TAB1: variants seen among roughly 807,000 people sequenced by gnomAD.
The protein encoded by TAB1 is TGF-beta activated kinase 1 (MAP3K7) binding protein 1.
Under a neutral mutation model 54.5 loss-of-function variants are expected in TAB1, and 30 were observed. That is an observed-to-expected ratio of 0.55 (90% CI 0.41 to 0.75). The LOEUF (loss-of-function observed/expected upper bound fraction) is 0.75. Ranked by LOEUF, TAB1 falls within the 30% of genes least tolerant of loss-of-function variation. The pLI is 0.00. For synonymous variants in TAB1, 289 were observed against 286.9 expected, an observed-to-expected ratio of 1.01 and a Z score of -0.07; for missense variants, 609 against 683.2, an observed-to-expected ratio of 0.89 and a Z score of 1.21.
chr22:39,399,863 T>TG (rs762492017), intron 1 of TAB1, 28 bp downstream of exon 1: 1 of 1,585,378 alleles, frequency 6.3e-7, no homozygotes, highest in African/African-American at 1.3e-5. Flanking sequence ...TCTCTGGGCT[T>TG]GGGGTTGGGA....
At chr22:39,409,409 A>G (rs1926512870) in intron 1 of TAB1, among the ~76,000 whole-genome samples, 1 of 152,230 alleles carries the variant, frequency 6.6e-6, no homozygotes, top group African/African-American at 2.4e-5. Flanking sequence ...AGAATACTTA[A>G]TTCACTGGTT....
chr22:39,418,987 A>G, intron 6 of TAB1, 142 bp downstream of exon 6: 1 of 662,112 alleles, frequency 1.5e-6, no homozygotes, highest in Non-Finnish European at 2.7e-6. Context: ...CATTCCCAGC[A>G]CTGCCGCTTA....
rs1399885847 is a variant in TAB1 at position 39,417,826 on chromosome 22, A to G, written c.527A>G (p.Asn176Ser). The G allele has an allele frequency of 1.2e-6, 2 of 1,611,500 alleles. No individual in the cohort carries two copies. Among genetic ancestry groups the G allele is most frequent in the East Asian group, 2.2e-5 (1 of 44,694 alleles). The change falls in exon 5 of 11, where the codon AAC becomes AGC. Residue 176 changes from asparagine to serine, a missense_variant. Physicochemically the swap from Asn to Ser is conservative, Grantham distance 46 (BLOSUM62 1). Coordinates refer to ENST00000216160, the MANE Select transcript of TAB1 (RefSeq NM_006116.3). ...AMAVVAVLLN[N>S]KLYVANVGTN... ...GCCGTTGTGGCGGTCCTTCTCAACA[A>G]CAAGCTCTACGTCGCCAATGTCGGT...
downstream of TAB1, among the ~76,000 whole-genome samples, chr22:39,435,544 C>T (rs1927750308): frequency 6.6e-6 from 1 of 152,224 alleles, no homozygotes; most frequent in African/African-American, 2.4e-5. Flanking sequence ...AAAGCAAGCA[C>T]AGACCAGTTA....
Position 39,415,014 on chromosome 22 carries a change from G to A in TAB1, c.42G>A (p.Gln14=), listed in dbSNP as rs6001584. 6.2e-7 allele frequency: 1 copy of A among 1,614,014 alleles called. No individual in the cohort carries two copies. Among genetic ancestry groups the A allele is most frequent in the Non-Finnish European group, 8.5e-7 (1 of 1,179,974 alleles). Residue 14 remains glutamine (Q), a synonymous_variant, in exon 2 of 11, where the codon CAG becomes CAA. Coordinates refer to ENST00000216160, the MANE Select transcript of TAB1 (RefSeq NM_006116.3). The surrounding 1 kb of genome is among the most constrained non-coding windows in gnomAD (Gnocchi z 4.9). ...QRRSLLQSEQ[Q]PSWTDDLPLC... ...CTGGTGTCCTTCCCCAGGAGCAGCAGCCAAGCTGGACAGATGACCTGCCTC... is the reference window on the plus strand; with the variant it reads ...CTGGTGTCCTTCCCCAGGAGCAGCAACCAAGCTGGACAGATGACCTGCCTC...
intron 8 of TAB1, 91 bp from the exon 9 acceptor site, chr22:39,426,612 G>C: frequency 8.3e-7 from 1 of 1,203,666 alleles, no homozygotes; most frequent in Non-Finnish European, 1.2e-6. Flanking sequence ...GTTGACCACT[G>C]AATCTCCTGA....
Position 39,419,553 on chromosome 22 carries a change from C to T in TAB1, c.699C>T (p.Ile233=). ...LDAGKIKQVG[I]ICGQESTRRI... is the part of the protein sequence containing the mutation. Reference sequence around the variant, plus strand: ...CTGGAAAGATCAAGCAGGTGGGGATCATCTGTGGGCAGGAGAGCACCCGGC... The same window carrying T: ...CTGGAAAGATCAAGCAGGTGGGGATTATCTGTGGGCAGGAGAGCACCCGGC... Residue 233 remains isoleucine, a synonymous_variant, in exon 7 of 11, where the codon ATC becomes ATT. Transcript: ENST00000216160. 1 of 1,612,780 alleles carries T rather than the reference C, an allele frequency of 6.2e-7. No individual in the cohort carries two copies. Among genetic ancestry groups the T allele is most frequent in the South Asian group, 1.1e-5 (1 of 90,908 alleles).
In TAB1 at chr22:39,431,268, CAT is replaced by C. The variant is rs929725242; in HGVS notation, c.*1047_*1048del. On this transcript the variant is annotated 3_prime_UTR_variant, in exon 11 of 11. Transcript: ENST00000216160. ...AGGGCCTGAGTTAGACTATTTCCCA[CAT>C]GTTCTCTGCCTTCAGTGGGGAGGGG... The C allele has an allele frequency of 3.0e-6, 3 of 985,516 alleles. No homozygotes were observed. The African/African-American group carries it at 5.2e-5, about 17-fold the overall frequency. 61.0% of individuals were successfully genotyped at this position (985,516 alleles called of 1,614,324 possible).
At chr22:39,428,371 G>T (rs934734321) in intron 10 of TAB1, among the ~76,000 whole-genome samples, 188 bp downstream of exon 10, 2 of 152,232 alleles carry the variant, frequency 1.3e-5, no homozygotes, top group African/African-American at 4.8e-5. Context: ...TTTTGGTCAG[G>T]TGGCTGATGG....
intron 1 of TAB1, among the ~76,000 whole-genome samples, chr22:39,414,387 C>T (rs1926733421): frequency 1.3e-5 from 2 of 152,130 alleles, no homozygotes; most frequent in Admixed American, 1.3e-4. Flanking sequence ...TAAACTAGCT[C>T]ATAAACTCCG....
Position 39,415,543 on chromosome 22 carries a change from G to C in TAB1, c.214G>C (p.Asp72His). 6.2e-7 allele frequency: 1 copy of C among 1,614,222 alleles called. No homozygotes were observed. Among genetic ancestry groups the C allele is most frequent in the Non-Finnish European group, 8.5e-7 (1 of 1,180,036 alleles). Residue 72 changes from aspartate (D) to histidine (H), a missense_variant, in exon 3 of 11, where the codon GAT becomes CAT. Coordinates refer to ENST00000216160, the MANE Select transcript of TAB1 (RefSeq NM_006116.3). This position sits in a 1 kb window ranked among gnomAD's most constrained non-coding sequence, Gnocchi z 4.9. ...CFLYGVFNGY[D>H]GNRVTNFVAQ... ...CCTGTATGGGGTCTTCAACGGCTAT[G>C]ATGGCAACCGAGTGACCAACTTCGT...
chr22:39,410,228 C>T (rs1055790566), intron 1 of TAB1, among the ~76,000 whole-genome samples: 1 of 152,208 alleles, frequency 6.6e-6, no homozygotes, highest in African/African-American at 2.4e-5. Context: ...CTGCCTCAGC[C>T]TCCTGAGTAG....
intron 1 of TAB1, among the ~76,000 whole-genome samples, chr22:39,412,755 C>T (rs1926659582): frequency 1.3e-5 from 2 of 152,110 alleles, no homozygotes; most frequent in Admixed American, 1.3e-4. Flanking sequence ...GTTTCCACAT[C>T]CTTTCTGGAA....
In TAB1 at chr22:39,430,050, C is replaced by T. The variant is rs760126964; in HGVS notation, c.1343C>T (p.Thr448Met). ...ACCTTAACCCTGCAGTCCACCAACACGCACACGCAGAGCAGCAGCTCCAGC... is the reference window on the plus strand; with the variant it reads ...ACCTTAACCCTGCAGTCCACCAACATGCACACGCAGAGCAGCAGCTCCAGC... ...SPTLTLQSTN[T>M]HTQSSSSSSD... The change falls in exon 11 of 11, where the codon ACG becomes ATG. Residue 448 changes from threonine (T) to methionine (M), a missense_variant. Transcript: ENST00000216160. The T allele has an allele frequency of 2.9e-5, 46 of 1,613,864 alleles. 1 individual carries two copies. In the South Asian group the frequency reaches 4.3e-4, roughly 15 times the overall value.
At chr22:39,416,550 T>C (rs542810203) in intron 3 of TAB1, among the ~76,000 whole-genome samples, 1 of 152,378 alleles carries the variant, frequency 6.6e-6, no homozygotes, top group Admixed American at 6.5e-5. Flanking sequence ...TCTGCAGTGC[T>C]GCCTCTGCAG....
intron 4 of TAB1, 110 bp downstream of exon 4, chr22:39,416,987 G>T: frequency 1.9e-6 from 2 of 1,028,836 alleles, no homozygotes; most frequent in Non-Finnish European, 2.9e-6. Context: ...CAGGCGTTAG[G>T]GAGCAGTTCC....
Position 39,399,855 on chromosome 22 carries a change from T to C in TAB1, c.33+20T>C. 4 of 1,590,104 alleles carry C rather than the reference T, an allele frequency of 2.5e-6. No homozygotes were observed. The highest frequency in any genetic ancestry group is 3.4e-6 in the Non-Finnish European group (4 of 1,168,678). ...CAGAGTGTGAGGAACAGGCCCGCTC[T>C]CTGGGCTTGGGGTTGGGAGCCTGGG... On this transcript the variant is annotated intron_variant, in intron 1 of 10. Transcript: ENST00000216160.
chr22:39,400,934 G>A (rs1736403663), intron 1 of TAB1, among the ~76,000 whole-genome samples: 1 of 151,168 alleles, frequency 6.6e-6, no homozygotes, highest in Admixed American at 6.6e-5. Flanking sequence ...TCGGGAGGCT[G>A]AGGCAGGAGA....
rs1229546191 is a variant in TAB1 at position 39,421,860 on chromosome 22, A to G, written c.810A>G (p.Pro270=). 1.2e-6 allele frequency: 2 copies of G among 1,614,148 alleles called. No homozygotes were observed. The highest frequency in any genetic ancestry group is 1.1e-5 in the South Asian group (1 of 91,086). ...AAKSKPIIAE[P]EIHGAQPLDG... ...AGTCCAAACCAATCATCGCAGAGCC[A>G]GAAATCCATGGGGCACAGCCGCTGG... Residue 270 remains proline, a synonymous_variant, in exon 8 of 11, where the codon CCA becomes CCG. Transcript: ENST00000216160.
Sources: gnomAD v4.1 joint callset for allele counts (sites outside exome capture counted in the v4.1 genomes callset) on GRCh38, gnomAD v4.1.1 for gene constraint, Gnocchi (gnomAD v3.1) non-coding constraint, MANE v1.5 for transcripts, NCBI Gene and HGNC (gene_info 2026-07-23, HGNC 2026-07-21) for gene names.